The following TRAF5 variants were observed in gnomAD, a reference collection of about 807,000 sequenced individuals.
TRAF5 encodes the protein TNF receptor-associated factor 5.
In TRAF5, 48 loss-of-function variants were observed where a neutral mutation model predicts 64.5. That is an observed-to-expected ratio of 0.74 (90% CI 0.59 to 0.95). TRAF5 has a LOEUF of 0.95. Among genes scored for constraint, TRAF5 ranks in the 40% least tolerant of loss-of-function variants. TRAF5 has a pLI of 0.00. For missense variants in TRAF5, 545 were observed against 662.8 expected (o/e 0.82, Z 1.95); for synonymous variants, 206 against 240.5 (o/e 0.86, Z 1.33).
intron 1 of TRAF5, chr1:211,346,466 T>G: frequency 1.0e-6 from 1 of 982,618 alleles, no homozygotes; most frequent in Non-Finnish European, 1.2e-6. Context: ...CCTGTGCCCT[T>G]TTCACTCTGG....
intron 1 of TRAF5, among the ~76,000 whole-genome samples, chr1:211,329,256 C>T (rs954741580): frequency 3.9e-5 from 6 of 152,196 alleles, no homozygotes; most frequent in African/African-American, 1.4e-4. Context: ...TTTGCTGAAT[C>T]GAATTGAATT....
At chr1:211,371,951 G>A (rs1453303665) in intron 10 of TRAF5, among the ~76,000 whole-genome samples, 177 bp from the exon 11 acceptor site, 1 of 152,226 alleles carries the variant, frequency 6.6e-6, no homozygotes, top group Non-Finnish European at 1.5e-5. Flanking sequence ...TGGAGGCACT[G>A]TGCCAAGACA....
At chr1:211,334,034 T>A in intron 1 of TRAF5, among the ~76,000 whole-genome samples, 1 of 152,184 alleles carries the variant, frequency 6.6e-6, no homozygotes, top group East Asian at 1.9e-4. Context: ...CAGCAGATGG[T>A]CATACTCACA....
chr1:211,332,536 A>T (rs187135106), intron 1 of TRAF5, among the ~76,000 whole-genome samples: 1 of 152,346 alleles, frequency 6.6e-6, no homozygotes, highest in East Asian at 1.9e-4. Context: ...TCATGATTTT[A>T]GGATTTCTGA....
At position 211,352,468 on chromosome 1, in the gene TRAF5, T is replaced by C. The variant is rs1702818750; in HGVS notation, c.-1-771T>C. On this transcript the variant is annotated intron_variant, in intron 1 of 10. Coordinates refer to ENST00000261464, the MANE Select transcript of TRAF5 (RefSeq NM_001033910.3). ...AAAAAAAAAAAAAAAAAAAGTTTTT[T>C]TTTTTTTTTAATTGGCCTGGTGTGG... 4.0e-5 allele frequency among the ~76,000 whole-genome samples: 6 copies of C among 150,274 alleles called. No homozygotes were observed. In the South Asian group the frequency reaches 1.3e-3, roughly 32 times the overall value.
At chr1:211,354,566 G>C in intron 3 of TRAF5, 99 bp downstream of exon 3, 1 of 1,232,338 alleles carries the variant, frequency 8.1e-7, no homozygotes, top group Non-Finnish European at 1.2e-6. Flanking sequence ...GGTCGAGGGA[G>C]ACCTTCCTTG....
intron 8 of TRAF5, 67 bp downstream of exon 8, chr1:211,365,535 T>A: frequency 1.6e-6 from 2 of 1,288,090 alleles, no homozygotes; most frequent in Non-Finnish European, 2.2e-6. Flanking sequence ...TGCTCTATGC[T>A]GGTATTTTTC....
chr1:211,345,247 G>C (rs138144882), intron 1 of TRAF5, among the ~76,000 whole-genome samples: 1 of 152,112 alleles, frequency 6.6e-6, no homozygotes, highest in East Asian at 1.9e-4. Flanking sequence ...GTAGAGATGG[G>C]GTTTTGCCAT....
chr1:211,349,099 T>C (rs1431536306), intron 1 of TRAF5, among the ~76,000 whole-genome samples: 1 of 148,112 alleles, frequency 6.8e-6, no homozygotes. Flanking sequence ...TCCTAACTAC[T>C]GGGGAGGTTT....
chr1:211,356,249 A>G, intron 3 of TRAF5, 118 bp from the exon 4 acceptor site: 1 of 680,430 alleles, frequency 1.5e-6, no homozygotes, highest in South Asian at 1.8e-5. Flanking sequence ...ATTCCAGCTG[A>G]TGTCTGGAAG....
At chr1:211,346,529 T>C (rs898141112) in intron 1 of TRAF5, 49 of 793,858 alleles carry the variant, frequency 6.2e-5, no homozygotes, top group Non-Finnish European at 7.3e-5. Flanking sequence ...TTGAAAACCC[T>C]GAAGACAAAT....
intron 4 of TRAF5, chr1:211,359,635 G>T: frequency 2.8e-6 from 1 of 355,896 alleles, no homozygotes; most frequent in East Asian, 4.7e-5. Flanking sequence ...AAACAAACTT[G>T]GTGTACTTCC....
intron 1 of TRAF5, among the ~76,000 whole-genome samples, chr1:211,336,430 A>G (rs1388635403): frequency 6.6e-6 from 1 of 152,112 alleles, no homozygotes; most frequent in Non-Finnish European, 1.5e-5. Context: ...CACCCCTTAC[A>G]GTGACTCCCC....
intron 1 of TRAF5, among the ~76,000 whole-genome samples, chr1:211,345,509 C>T (rs1437529916): frequency 6.6e-6 from 1 of 152,186 alleles, no homozygotes; most frequent in Non-Finnish European, 1.5e-5. Context: ...GCATGGATTC[C>T]AGAGACCCGT....
intron 1 of TRAF5, among the ~76,000 whole-genome samples, chr1:211,343,929 G>C (rs2102727245): frequency 6.6e-6 from 1 of 151,780 alleles, no homozygotes; most frequent in Middle Eastern, 3.4e-3. Context: ...CTTCCTAGTG[G>C]AGAACAAGGC....
intron 7 of TRAF5, among the ~76,000 whole-genome samples, chr1:211,362,488 T>C (rs948110866): frequency 1.8e-4 from 27 of 152,238 alleles, no homozygotes; most frequent in African/African-American, 6.5e-4. Context: ...GAGAGCAGCC[T>C]GGCCAACATG....
chr1:211,329,576 T>C (rs141852609), intron 1 of TRAF5, among the ~76,000 whole-genome samples: 2,481 of 152,298 alleles, frequency 0.016, 25 homozygotes, highest in Middle Eastern at 0.071. Context: ...AATTCCTGTG[T>C]TTTTCCCATA....
chr1:211,339,653 C>A (rs1702392699), intron 1 of TRAF5, among the ~76,000 whole-genome samples: 1 of 152,206 alleles, frequency 6.6e-6, no homozygotes, highest in African/African-American at 2.4e-5. Context: ...GTCCCAACAG[C>A]CTGAGGGCTG....
chr1:211,361,965 G>A (rs1433427032), intron 7 of TRAF5, among the ~76,000 whole-genome samples: 2 of 152,008 alleles, frequency 1.3e-5, no homozygotes, highest in Admixed American at 6.5e-5. Flanking sequence ...CCAAAGTGCT[G>A]GGATTACAGC....
Sources: allele counts gnomAD v4.1 joint callset (sites outside exome capture counted in the v4.1 genomes callset), GRCh38; gene constraint gnomAD v4.1.1; transcripts MANE v1.5; gene names NCBI Gene and HGNC (gene_info 2026-07-23, HGNC 2026-07-21).